The following ZNF454 variants were observed in gnomAD, a reference collection of about 807,000 sequenced individuals.
ZNF454 encodes the protein zinc finger protein 454.
Under a neutral mutation model 48.2 loss-of-function variants are expected in ZNF454, and 30 were observed. The ratio of observed to expected loss-of-function variants is 0.62; its 90% CI spans 0.47 to 0.84. The LOEUF (loss-of-function observed/expected upper bound fraction) is 0.84, where lower values mean the gene tolerates loss of function less well. Ranked by LOEUF, ZNF454 falls within the 40% of genes least tolerant of loss-of-function variation. ZNF454 has a pLI of 0.00. For missense variants in ZNF454, 510 were observed against 623.1 expected, an observed-to-expected ratio of 0.82 and a Z score of 1.93; for synonymous variants, 204 against 211.4, an observed-to-expected ratio of 0.97 and a Z score of 0.30.
At chr5:178,986,484 G>A in the ZNF454 span, 65 of 1,610,918 alleles carry the variant, frequency 4.0e-5, no homozygotes, top group African/African-American at 6.7e-4. Context: ...CGGCCAGGAG[G>A]AGCGGCGGGG....
intron 2 of ZNF454, among the ~76,000 whole-genome samples, chr5:178,945,236 GTA>G (rs1242897610): frequency 2.0e-5 from 3 of 151,502 alleles, no homozygotes; most frequent in Non-Finnish European, 2.9e-5. Flanking sequence ...CTCTGTGTGT[GTA>G]TTTGTATGTT....
the ZNF454 span, among the ~76,000 whole-genome samples, chr5:178,976,347 G>A: frequency 6.6e-6 from 1 of 152,210 alleles, no homozygotes; most frequent in Non-Finnish European, 1.5e-5. Flanking sequence ...TAGGGTGCAA[G>A]TCCTATGAGG....
the ZNF454 span, chr5:178,978,521 T>C: frequency 6.6e-6 from 1 of 152,242 alleles, no homozygotes; most frequent in Admixed American, 6.5e-5. Context: ...AAATGGTTAC[T>C]ATACAGAAGC....
chr5:178,944,623 C>T lies in ZNF454; in HGVS notation c.34-1736C>T, dbSNP rs899401716. ...TCAGACTGCCTCAGGCAGAAGCAGG[C>T]ACTGACTGGAAAGATATGGAGGTGT... On this transcript the variant is annotated intron_variant, in intron 2 of 4. Transcript: ENST00000519564. The surrounding 1 kb of genome is among the most constrained non-coding windows in gnomAD (Gnocchi z 4.1). Among the ~76,000 whole-genome samples, 2 of 152,222 alleles carry T rather than the reference C, an allele frequency of 1.3e-5. No individual in the cohort carries two copies. Among genetic ancestry groups the T allele is most frequent in the African/African-American group, 4.8e-5 (2 of 41,460 alleles).
At chr5:178,955,153 A>G in intron 4 of ZNF454, among the ~76,000 whole-genome samples, 1 of 152,204 alleles carries the variant, frequency 6.6e-6, no homozygotes, top group East Asian at 1.9e-4. Context: ...TTTCAAAGCA[A>G]CCATTCCATT....
chr5:178,976,030 A>G, the ZNF454 span: 2 of 407,762 alleles, frequency 4.9e-6, no homozygotes, highest in Non-Finnish European at 1.0e-5. Context: ...TGCTCACCCT[A>G]CTCCTCCATG....
downstream of ZNF454, among the ~76,000 whole-genome samples, chr5:178,970,758 A>C (rs142928609): frequency 1.1e-4 from 17 of 152,322 alleles, 1 homozygote; most frequent in South Asian, 3.5e-3. Context: ...ATTATTCATC[A>C]GTGTGTCTTT....
the ZNF454 span, among the ~76,000 whole-genome samples, chr5:178,972,359 A>G: frequency 2.0e-5 from 3 of 152,182 alleles, no homozygotes; most frequent in African/African-American, 7.2e-5. Context: ...CTTTGACCCT[A>G]AAAGGTCATT....
the ZNF454 span, chr5:178,980,025 A>G: frequency 0.026 from 3,990 of 154,332 alleles, 87 homozygotes; most frequent in South Asian, 0.074. The surrounding 1 kb of genome is among the most constrained non-coding windows in gnomAD (Gnocchi z 4.3). Flanking sequence ...AACACAACAA[A>G]TGTGGAGAAG....
At chr5:178,981,723 C>T in the ZNF454 span, 2 of 1,613,994 alleles carry the variant, frequency 1.2e-6, no homozygotes, top group East Asian at 4.5e-5. This position sits in a 1 kb window ranked among gnomAD's most constrained non-coding sequence, Gnocchi z 5.1. Flanking sequence ...CCTTGAGGCT[C>T]CGCTTTCGCT....
chr5:178,982,689 T>G, the ZNF454 span: 2 of 297,272 alleles, frequency 6.7e-6, no homozygotes, highest in South Asian at 4.8e-5. Flanking sequence ...GAAATGAAAA[T>G]GATAAAAAAA....
At chr5:178,968,105 T>TCACACACACACACACACA (rs3031585), downstream of ZNF454, among the ~76,000 whole-genome samples, 311 of 145,078 alleles carry the variant, frequency 2.1e-3, 5 homozygotes, top group East Asian at 0.015. Context: ...CATCTGTGCA[T>TCACACACACACACACACA]CACACACACA....
chr5:178,966,148 C>T lies in ZNF454; in HGVS notation c.*175C>T, dbSNP rs902388956. The T allele has an allele frequency of 1.9e-5, 11 of 584,902 alleles. No individual in the cohort carries two copies. Among genetic ancestry groups the T allele is most frequent in the Admixed American group, 9.9e-5 (3 of 30,318 alleles). The allele number at this position is 584,902 out of a possible 1,614,324, so 36.2% of individuals were successfully genotyped here. A position where few individuals can be genotyped will look rare whatever the true frequency, so the allele number is the denominator to read the frequency against. On this transcript the variant is annotated 3_prime_UTR_variant, in exon 5 of 5. Coordinates refer to ENST00000519564, the MANE Select transcript of ZNF454 (RefSeq NM_001178089.3). ...TGGGCATTTAAGAATGGCAAACACT[C>T]GGCTGGGCACAGTGGCTCACGTCTG...
the ZNF454 span, chr5:178,981,897 C>G: frequency 6.8e-6 from 8 of 1,179,680 alleles, no homozygotes; most frequent in Non-Finnish European, 1.0e-5. The surrounding 1 kb of genome is among the most constrained non-coding windows in gnomAD (Gnocchi z 5.1). Flanking sequence ...CAGCCCTGCT[C>G]TCCCTGCCCC....
intron 4 of ZNF454, among the ~76,000 whole-genome samples, chr5:178,952,912 C>G (rs1157751468): frequency 6.6e-6 from 1 of 151,686 alleles, no homozygotes; most frequent in Non-Finnish European, 1.5e-5. Flanking sequence ...GTTTTTTCCC[C>G]CTTTTCTTTA....
chr5:178,983,005 CGT>C, the ZNF454 span: 3 of 1,614,132 alleles, frequency 1.9e-6, no homozygotes, highest in Non-Finnish European at 2.5e-6. Context: ...GGCTTGGCCT[CGT>C]TGAAGGTCTC....
At chr5:178,988,111 T>C in the ZNF454 span, among the ~76,000 whole-genome samples, 174 of 152,242 alleles carry the variant, frequency 1.1e-3, no homozygotes, top group African/African-American at 3.9e-3. This position sits in a 1 kb window ranked among gnomAD's most constrained non-coding sequence, Gnocchi z 6.0. Context: ...GTTAAGGTGA[T>C]ACATTTTATA....
the ZNF454 span, chr5:178,981,902 T>C: frequency 8.7e-7 from 1 of 1,146,970 alleles, no homozygotes; most frequent in South Asian, 1.2e-5. The surrounding 1 kb of genome is among the most constrained non-coding windows in gnomAD (Gnocchi z 5.1). Flanking sequence ...CTGCTCTCCC[T>C]GCCCCGCTCC....
chr5:178,942,636 C>T (rs974530953), intron 1 of ZNF454, 49 bp from the exon 2 acceptor site: 8 of 705,008 alleles, frequency 1.1e-5, no homozygotes, highest in Admixed American at 1.1e-4. Context: ...CTCACTGCCT[C>T]GCTCTGGACT....
Sources: gnomAD v4.1 joint callset for allele counts (sites outside exome capture counted in the v4.1 genomes callset) on GRCh38, gnomAD v4.1.1 for gene constraint, Gnocchi (gnomAD v3.1) non-coding constraint, MANE v1.5 for transcripts, NCBI Gene and HGNC (gene_info 2026-07-23, HGNC 2026-07-21) for gene names.